IL5RA: variants seen among roughly 807,000 people sequenced by gnomAD.
IL5RA encodes the protein interleukin 5 receptor subunit alpha.
Under a neutral mutation model 50.0 loss-of-function variants are expected in IL5RA, and 49 were observed. That is an observed-to-expected ratio of 0.98 (90% confidence interval 0.78 to 1.24). IL5RA has a LOEUF of 1.24. Ranked by LOEUF, IL5RA falls within the 50% of genes most tolerant of loss-of-function variation. IL5RA has a pLI of 0.00. For synonymous variants in IL5RA, 202 were observed against 174.0 expected, an observed-to-expected ratio of 1.16 and a Z score of -1.26; for missense variants, 600 against 500.4, an observed-to-expected ratio of 1.20 and a Z score of -1.90.
chr3:3,079,840 C>T (rs928170799), intron 9 of IL5RA, among the ~76,000 whole-genome samples: 2 of 152,114 alleles, frequency 1.3e-5, no homozygotes, highest in African/African-American at 2.4e-5. Context: ...TTGAGACCAG[C>T]CTGGCCAACA....
intron 9 of IL5RA, among the ~76,000 whole-genome samples, chr3:3,090,689 C>T (rs1002473661): frequency 2.6e-5 from 4 of 151,570 alleles, no homozygotes; most frequent in Non-Finnish European, 2.9e-5. Context: ...GCCTCAGCCT[C>T]CCGAGTAGCT....
chr3:3,106,064 T>A (rs750858156), intron 2 of IL5RA, among the ~76,000 whole-genome samples: 1 of 152,154 alleles, frequency 6.6e-6, no homozygotes, highest in Non-Finnish European at 1.5e-5. Flanking sequence ...TCCATGGACG[T>A]TATTCCTACC....
rs943820136 is a variant in IL5RA at position 3,092,911 on chromosome 3, G to T, written c.856-549C>A. ...TTTCTCCCTTTTTTACTCCAGCCCTGTGACCATTGCCTATTTTAGCTCTTA... is the reference window on the plus strand; with the variant it reads ...TTTCTCCCTTTTTTACTCCAGCCCTTTGACCATTGCCTATTTTAGCTCTTA... On this transcript the variant is annotated intron_variant, in intron 8 of 11. Transcript: ENST00000446632. The surrounding 1 kb of genome is among the most constrained non-coding windows in gnomAD (Gnocchi z 4.2). Among the ~76,000 whole-genome samples, 2 of 151,984 alleles carry T rather than the reference G, an allele frequency of 1.3e-5. No individual in the cohort carries two copies. The highest frequency in any genetic ancestry group is 4.8e-5 in the African/African-American group (2 of 41,364).
chr3:3,076,475 G>T (rs1276749215), intron 10 of IL5RA, 56 bp downstream of exon 10: 1 of 1,124,196 alleles, frequency 8.9e-7, no homozygotes. Context: ...TGGTAAGCCT[G>T]TAAAAATGCA....
At chr3:3,105,591 T>G (rs1292762154) in intron 2 of IL5RA, 1 of 148,822 alleles carries the variant, frequency 6.7e-6, no homozygotes, top group African/African-American at 2.4e-5. Context: ...CTTTGAAGAG[T>G]GTTTTTTTTG....
In IL5RA at chr3:3,104,104, G is replaced by A. The variant is rs565665881; in HGVS notation, c.82+799C>T. Among the ~76,000 whole-genome samples the A allele has an allele frequency of 9.2e-5, 14 of 152,280 alleles. No homozygotes were observed. The East Asian group carries it at 2.3e-3, about 25-fold the overall frequency. On this transcript the variant is annotated intron_variant, in intron 3 of 11. Coordinates refer to ENST00000446632, the MANE Select transcript of IL5RA (RefSeq NM_175726.4). ...CCCAGGCTGGAGGGCAGTGTTGTGC[G>A]ATCTCAGCTTATTGCAACCTCTGCC...
At chr3:3,086,873 C>T (rs145923946) in intron 9 of IL5RA, among the ~76,000 whole-genome samples, 8 of 152,288 alleles carry the variant, frequency 5.3e-5, no homozygotes, top group African/African-American at 1.9e-4. Flanking sequence ...CAATGAAATA[C>T]TACTCAGCTG....
chr3:3,085,998 C>T (rs1368639616), intron 9 of IL5RA, among the ~76,000 whole-genome samples: 1 of 152,108 alleles, frequency 6.6e-6, no homozygotes, highest in Non-Finnish European at 1.5e-5. Context: ...TCTTCTACTC[C>T]CCTGGGTGTA....
chr3:3,081,021 G>GTT (rs143143883), intron 9 of IL5RA, among the ~76,000 whole-genome samples: 1 of 151,536 alleles, frequency 6.6e-6, no homozygotes, highest in African/African-American at 2.4e-5. Flanking sequence ...TTTTTTTCAA[G>GTT]TTTTTTTTTG....
intron 5 of IL5RA, 76 bp downstream of exon 5, chr3:3,101,616 T>C: frequency 6.9e-7 from 1 of 1,449,460 alleles, no homozygotes; most frequent in Non-Finnish European, 9.5e-7. Context: ...AAAAGTGGGT[T>C]AGTGTTAATT....
intron 9 of IL5RA, among the ~76,000 whole-genome samples, chr3:3,077,565 T>G (rs1702530433): frequency 6.6e-6 from 1 of 152,160 alleles, no homozygotes; most frequent in Non-Finnish European, 1.5e-5. Context: ...GGCCAGGAGT[T>G]TGAAACCAGC....
chr3:3,089,674 G>T (rs1377550895), intron 9 of IL5RA, among the ~76,000 whole-genome samples: 5 of 151,836 alleles, frequency 3.3e-5, no homozygotes, highest in Admixed American at 3.3e-4. Context: ...TGTCGCCCAG[G>T]CTGGAGTACA....
chr3:3,102,683 C>T lies in IL5RA; in HGVS notation c.220G>A (p.Glu74Lys). The T allele has an allele frequency of 6.3e-7, 1 of 1,592,402 alleles. No homozygotes were observed. The highest frequency in any genetic ancestry group is 8.6e-7 in the Non-Finnish European group (1 of 1,165,862). Reference protein sequence around the residue: ...EYQVKINAPKEDDYETRITES... With the variant: ...EYQVKINAPKKDDYETRITES... ...TTAGAATAAACACTTACGTCATCTTCTTTTGGAGCGTTTATTTTCACTTGA... is the reference window on the plus strand; with the variant it reads ...TTAGAATAAACACTTACGTCATCTTTTTTTGGAGCGTTTATTTTCACTTGA... The change falls in exon 4 of 12, where the codon GAA becomes AAA. Residue 74 changes from glutamate to lysine, a missense_variant. By Grantham distance (56) the Glu-to-Lys change is moderately conservative (BLOSUM62 1). Transcript: ENST00000446632.
In IL5RA at chr3:3,092,034, A is replaced by G. The variant is rs1703137428; in HGVS notation, c.994+190T>C. 1 of 1,359,666 alleles carries G rather than the reference A, an allele frequency of 7.4e-7. No homozygotes were observed. 84.2% of individuals were successfully genotyped at this position (1,359,666 alleles called of 1,614,324 possible). A position where few individuals can be genotyped will look rare whatever the true frequency, so the allele number is the denominator to read the frequency against. On this transcript the variant is annotated intron_variant, in intron 9 of 11. Transcript: ENST00000446632. This position sits in a 1 kb window ranked among gnomAD's most constrained non-coding sequence, Gnocchi z 4.2. ...GAGTTGGCGCTAATGAGAAGCCTAG[A>G]CACTTAAAAACTTCACTGGCTTCAT...
chr3:3,074,896 G>A (rs773565076), intron 10 of IL5RA, 30 bp from the exon 11 acceptor site: 5 of 1,331,768 alleles, frequency 3.8e-6, no homozygotes, highest in Non-Finnish European at 4.3e-6. Context: ...GGAATTAGGT[G>A]AGCATGAGTA....
At position 3,082,127 on chromosome 3, in the gene IL5RA, C is replaced by CT. The variant is rs1215448697; in HGVS notation, c.995-5501dup. ...AAAGTAAGCACCTGCTCTGGTTTTA[C>CT]TGAAAGTAGAGCAAGGAGGGAAGAT... On this transcript the variant is annotated intron_variant, in intron 9 of 11. Transcript: ENST00000446632. 3.3e-5 allele frequency among the ~76,000 whole-genome samples: 5 copies of CT among 152,274 alleles called. No individual in the cohort carries two copies. In the South Asian group the frequency reaches 6.2e-4, roughly 19 times the overall value.
intron 9 of IL5RA, among the ~76,000 whole-genome samples, chr3:3,077,379 G>T (rs1442171604): frequency 1.3e-5 from 2 of 152,208 alleles, no homozygotes. Context: ...GTATAAACGT[G>T]CCGTGTTGGT....
intron 11 of IL5RA, 44 bp downstream of exon 11, chr3:3,074,738 A>C (rs755720855): frequency 8.5e-7 from 1 of 1,173,232 alleles, no homozygotes; most frequent in Non-Finnish European, 1.3e-6. Context: ...CAGGGGACTC[A>C]ACCCTGGACA....
intron 9 of IL5RA, among the ~76,000 whole-genome samples, chr3:3,089,044 G>A (rs1236804442): frequency 6.6e-6 from 1 of 152,154 alleles, no homozygotes. Context: ...GGAAAGTCCT[G>A]TGTGTGCTGG....
Sources: gnomAD v4.1 joint callset for allele counts (sites outside exome capture counted in the v4.1 genomes callset) on GRCh38, gnomAD v4.1.1 for gene constraint, Gnocchi (gnomAD v3.1) non-coding constraint, MANE v1.5 for transcripts, NCBI Gene and HGNC (gene_info 2026-07-23, HGNC 2026-07-21) for gene names.